The following CASR variants were observed in gnomAD, a reference collection of about 807,000 sequenced individuals.
CASR encodes extracellular calcium-sensing receptor.
Under a neutral mutation model 69.1 loss-of-function variants are expected in CASR, and 23 were observed. That is an observed-to-expected ratio of 0.33 (90% CI 0.24 to 0.47). The LOEUF is 0.47. CASR is among the 20% of genes least tolerant of loss of function. The pLI, the probability that CASR is intolerant of heterozygous loss-of-function variation, is 1.00. For synonymous variants in CASR, 541 were observed against 544.7 expected (o/e 0.99, Z 0.10); for missense variants, 924 against 1,356.1 (o/e 0.68, Z 5.00).
chr3:122,209,554 C>T (rs192234979), intron 1 of CASR, among the ~76,000 whole-genome samples: 7 of 152,136 alleles, frequency 4.6e-5, no homozygotes, highest in Non-Finnish European at 1.0e-4. Flanking sequence ...ATGAAGCCAT[C>T]GTATCTCATG....
At position 122,284,269 on chromosome 3, in the gene CASR, C is replaced by T. The variant is rs1336598166; in HGVS notation, c.2315C>T (p.Ala772Val). The T allele has an allele frequency of 6.2e-6, 10 of 1,614,136 alleles. No individual in the cohort carries two copies. The highest frequency in any genetic ancestry group is 8.5e-6 in the Non-Finnish European group (10 of 1,180,044). ...FITCHEGSLM[A>V]LGFLIGYTCL... ...ACGTGCCACGAGGGCTCCCTCATGG[C>T]CCTGGGCTTCCTGATCGGCTACACC... Residue 772 changes from alanine (A) to valine (V), a missense_variant, in exon 7 of 7, where the codon GCC becomes GTC. By Grantham distance (64) the Ala-to-Val change is moderately conservative. This residue lies in a region of CASR where 184 missense variants were observed against 278.8 expected (regional missense o/e 0.66). Coordinates refer to ENST00000639785, the MANE Select transcript of CASR (RefSeq NM_000388.4).
intron 1 of CASR, among the ~76,000 whole-genome samples, chr3:122,212,693 G>A (rs1268207695): frequency 6.7e-6 from 1 of 150,236 alleles, no homozygotes; most frequent in Admixed American, 6.6e-5. Flanking sequence ...CCAGGCTGAA[G>A]TGTAATGGCG....
intron 1 of CASR, among the ~76,000 whole-genome samples, chr3:122,234,869 T>A (rs995544730): frequency 1.3e-5 from 2 of 152,322 alleles, no homozygotes; most frequent in Middle Eastern, 3.4e-3. Context: ...GACAACTGAA[T>A]GTAGTATGTT....
Position 122,198,768 on chromosome 3 carries a change from A to T in CASR, c.-243+14956A>T, listed in dbSNP as rs182570272. ...ATTTTACTATGAAATTACTCAAAAA[A>T]TTTTTCTTTTTATTATAAAATTGTC... On this transcript the variant is annotated intron_variant, in intron 1 of 6. Transcript: ENST00000639785. Among the ~76,000 whole-genome samples the T allele has an allele frequency of 5.2e-3, 793 of 151,784 alleles. 3 individuals carry two copies. Among genetic ancestry groups the T allele is most frequent in the African/African-American group, 0.019 (768 of 41,440 alleles).
chr3:122,270,496 A>C (rs1363556225), intron 4 of CASR, among the ~76,000 whole-genome samples: 1 of 151,948 alleles, frequency 6.6e-6, no homozygotes, highest in Non-Finnish European at 1.5e-5. Flanking sequence ...TGTCTGTTTC[A>C]TTTATTTCTA....
chr3:122,238,312 G>C (rs1383370180), intron 1 of CASR, among the ~76,000 whole-genome samples: 1 of 152,184 alleles, frequency 6.6e-6, no homozygotes, highest in African/African-American at 2.4e-5. Context: ...TCACAGCAGA[G>C]AGAAAAGCTG....
rs550739030 is a variant in CASR, at chr3:122,288,224, G to A, written c.*3033G>A. 5 of 152,330 alleles carry A rather than the reference G, an allele frequency of 3.3e-5. No homozygotes were observed. The highest frequency in any genetic ancestry group is 4.8e-5 in the African/African-American group (2 of 41,552). 9.4% of individuals were successfully genotyped at this position (152,330 alleles called of 1,614,324 possible). ...CACCACTGGCCTGTACTGCCTTTGC[G>A]TAGGGAAGTGGACATGAGCTGAGGA... On this transcript the variant is annotated 3_prime_UTR_variant, in exon 7 of 7. Coordinates refer to ENST00000639785, the MANE Select transcript of CASR (RefSeq NM_000388.4).
In CASR at chr3:122,254,279, G is replaced by C. The variant is rs1055397172; in HGVS notation, c.90G>C (p.Gly30=). The change falls in exon 2 of 7, where the codon GGG becomes GGC. Residue 30 remains glycine (G), a synonymous_variant. Transcript: ENST00000639785. ...YGPDQRAQKK[G]DIILGGLFPI... ...CAGACCAGCGAGCCCAAAAGAAGGG[G>C]GACATTATCCTTGGGGGGCTCTTTC... 6.2e-7 allele frequency: 1 copy of C among 1,614,042 alleles called. No individual in the cohort carries two copies. Among genetic ancestry groups the C allele is most frequent in the East Asian group, 2.2e-5 (1 of 44,878 alleles).
At chr3:122,199,319 A>G (rs1370158949) in intron 1 of CASR, among the ~76,000 whole-genome samples, 2 of 152,204 alleles carry the variant, frequency 1.3e-5, no homozygotes, top group African/African-American at 4.8e-5. Flanking sequence ...AGTGCTTATT[A>G]TATAGTTCTT....
chr3:122,254,248 A>G lies in CASR; in HGVS notation c.59A>G (p.Tyr20Cys), dbSNP rs2074528819. 1 of 1,613,966 alleles carries G rather than the reference A, an allele frequency of 6.2e-7. No homozygotes were observed. The highest frequency in any genetic ancestry group is 8.5e-7 in the Non-Finnish European group (1 of 1,180,016). ...LLALTWHTSAYGPDQRAQKKG... is the reference protein window; with the variant it reads ...LLALTWHTSACGPDQRAQKKG... ...GCACTCACCTGGCACACCTCTGCCTACGGGCCAGACCAGCGAGCCCAAAAG... is the reference window on the plus strand; with the variant it reads ...GCACTCACCTGGCACACCTCTGCCTGCGGGCCAGACCAGCGAGCCCAAAAG... The change falls in exon 2 of 7, where the codon TAC becomes TGC. Residue 20 changes from tyrosine (Y) to cysteine (C), a missense_variant. Tyr to Cys is a radical substitution (Grantham distance 194, BLOSUM62 -2). Transcript: ENST00000639785.
Position 122,288,659 on chromosome 3 carries a change from C to T in CASR, c.*3468C>T, listed in dbSNP as rs1395923443. 1.3e-5 allele frequency: 2 copies of T among 152,060 alleles called. No individual in the cohort carries two copies. Among genetic ancestry groups the T allele is most frequent in the African/African-American group, 4.8e-5 (2 of 41,410 alleles). 9.4% of individuals were successfully genotyped at this position (152,060 alleles called of 1,614,324 possible). On this transcript the variant is annotated 3_prime_UTR_variant, in exon 7 of 7. Coordinates refer to ENST00000639785, the MANE Select transcript of CASR (RefSeq NM_000388.4). ...GCTGGCTTTGGTTATAGAAAATACA[C>T]AGCCGTGTTGTCTCATTCTATTATC...
intron 1 of CASR, among the ~76,000 whole-genome samples, chr3:122,209,969 A>G (rs1323735628): frequency 6.6e-6 from 1 of 152,232 alleles, no homozygotes; most frequent in African/African-American, 2.4e-5. Flanking sequence ...TCATATAAAC[A>G]GAACTAAAGA....
At chr3:122,189,516 T>A (rs2073820243) in intron 1 of CASR, among the ~76,000 whole-genome samples, 1 of 152,112 alleles carries the variant, frequency 6.6e-6, no homozygotes, top group South Asian at 2.1e-4. Context: ...GGAACCAGGG[T>A]GGAAACCTGT....
chr3:122,259,072 TAA>T (rs1348619055), intron 3 of CASR, among the ~76,000 whole-genome samples: 1 of 151,804 alleles, frequency 6.6e-6, no homozygotes. Context: ...CCTCTTACAA[TAA>T]AAAAAAGTTT....
At chr3:122,214,869 C>T (rs1464039602) in intron 1 of CASR, among the ~76,000 whole-genome samples, 1 of 136,514 alleles carries the variant, frequency 7.3e-6, no homozygotes, top group African/African-American at 2.7e-5. Flanking sequence ...GACAAAGGGT[C>T]ACACGAAAGC....
intron 3 of CASR, among the ~76,000 whole-genome samples, chr3:122,258,168 T>G (rs2074576954): frequency 6.6e-6 from 1 of 152,224 alleles, no homozygotes; most frequent in African/African-American, 2.4e-5. Flanking sequence ...GACATCATTT[T>G]ATAATAGTGA....
chr3:122,191,154 G>C (rs1576812102), intron 1 of CASR, among the ~76,000 whole-genome samples: 1 of 152,168 alleles, frequency 6.6e-6, no homozygotes, highest in South Asian at 2.1e-4. Context: ...GCAACTTGAA[G>C]TTTGGAATGT....
intron 1 of CASR, among the ~76,000 whole-genome samples, chr3:122,191,776 A>G (rs1373408087): frequency 6.6e-6 from 1 of 152,260 alleles, no homozygotes; most frequent in Non-Finnish European, 1.5e-5. Flanking sequence ...AAAAGTAGCC[A>G]AAGGTTGTAA....
intron 1 of CASR, chr3:122,184,293 G>C (rs1229478802): frequency 6.5e-6 from 1 of 153,066 alleles, no homozygotes; most frequent in African/African-American, 2.4e-5. Flanking sequence ...GGAGCTCCGG[G>C]GCCGGGGCCG....
Sources: gnomAD v4.1 joint callset for allele counts (sites outside exome capture counted in the v4.1 genomes callset) on GRCh38, gnomAD v4.1.1 for gene constraint, gnomAD v4.1.1 regional missense constraint, MANE v1.5 for transcripts, NCBI Gene and HGNC (gene_info 2026-07-23, HGNC 2026-07-21) for gene names.